PTPRM: variants seen among roughly 807,000 people sequenced by gnomAD.
PTPRM encodes the protein receptor-type tyrosine-protein phosphatase mu.
In PTPRM, 47 loss-of-function variants were observed where a neutral mutation model predicts 186.7. The observed-to-expected ratio is 0.25, with a 90% CI of 0.20 to 0.32. The LOEUF (loss-of-function observed/expected upper bound fraction) is 0.32, where lower values mean the gene tolerates loss of function less well. Among genes scored for constraint, PTPRM ranks in the 10% least tolerant of loss-of-function variants. The pLI is 1.00. For synonymous variants in PTPRM, 668 were observed against 674.9 expected (o/e 0.99, Z 0.16); for missense variants, 1,494 against 1,865.0 (o/e 0.80, Z 3.66).
chr18:8,347,466 A>C (rs2148296176), intron 23 of PTPRM, among the ~76,000 whole-genome samples: 1 of 152,326 alleles, frequency 6.6e-6, no homozygotes, highest in African/African-American at 2.4e-5. Context: ...TGCAGCAAAA[A>C]ATAATAATTA....
chr18:7,761,198 C>T (rs186142725), intron 1 of PTPRM, among the ~76,000 whole-genome samples: 36 of 152,164 alleles, frequency 2.4e-4, no homozygotes, highest in Non-Finnish European at 4.1e-4. Context: ...TTGCTCAGAG[C>T]TTGGAGAATT....
At chr18:7,586,606 G>C (rs1207504594) in intron 1 of PTPRM, among the ~76,000 whole-genome samples, 2 of 152,102 alleles carry the variant, frequency 1.3e-5, no homozygotes, top group Non-Finnish European at 1.5e-5. Context: ...GGTCTGTGGG[G>C]CATTGGCATC....
intron 1 of PTPRM, among the ~76,000 whole-genome samples, chr18:7,581,887 T>C (rs1358646304): frequency 6.6e-6 from 1 of 152,094 alleles, no homozygotes; most frequent in Non-Finnish European, 1.5e-5. Flanking sequence ...CTCAAGCTCC[T>C]CGCCTCAAGC....
At position 8,113,638 on chromosome 18, in the gene PTPRM, T is replaced by C; in HGVS notation, c.2009T>C (p.Leu670Pro). The change falls in exon 12 of 33, where the codon CTC becomes CCC. Residue 670 changes from leucine to proline, a missense_variant. This residue lies in a region of PTPRM where 1,107 missense variants were observed against 1,350.2 expected (regional missense o/e 0.82). Coordinates refer to ENST00000580170, the MANE Select transcript of PTPRM (RefSeq NM_001105244.2). ...GCTGCAGAATTTCCTGCAGACAGCC[T>C]CCAAGCTGCGCAGCCTTTTACAATT... ...YFAAEFPADS[L>P]QAAQPFTIGD... 1 of 1,614,120 alleles carries C rather than the reference T, an allele frequency of 6.2e-7. No individual in the cohort carries two copies. The highest frequency in any genetic ancestry group is 8.5e-7 in the Non-Finnish European group (1 of 1,179,976).
At chr18:8,143,930 A>G (rs1233312986) in intron 14 of PTPRM, 151 bp downstream of exon 14, 1 of 1,038,748 alleles carries the variant, frequency 9.6e-7, no homozygotes, top group Non-Finnish European at 1.4e-6. Context: ...ATCATGTGGC[A>G]TGGAAGGTTA....
In PTPRM at chr18:8,289,473, C is replaced by T. The variant is rs1047419597; in HGVS notation, c.2755-6895C>T. Among the ~76,000 whole-genome samples the T allele has an allele frequency of 1.1e-3, 125 of 112,602 alleles. 6 individuals are homozygous for T. Among genetic ancestry groups the T allele is most frequent in the South Asian group, 1.2e-3 (4 of 3,434 alleles). 73.9% of individuals were successfully genotyped at this position (112,602 alleles called of 152,430 possible). ...ATATGTATATACATATATATACACA[C>T]ATATGTATATATATACATATATGTA... On this transcript the variant is annotated intron_variant, in intron 19 of 32. Transcript: ENST00000580170.
intron 1 of PTPRM, among the ~76,000 whole-genome samples, chr18:7,583,548 G>A (rs2036900196): frequency 6.6e-6 from 1 of 152,224 alleles, no homozygotes; most frequent in African/African-American, 2.4e-5. Context: ...ACAATTGTAA[G>A]ATTGGCACAG....
At chr18:8,226,930 G>A in intron 14 of PTPRM, among the ~76,000 whole-genome samples, 1 of 152,140 alleles carries the variant, frequency 6.6e-6, no homozygotes, top group Non-Finnish European at 1.5e-5. Context: ...GGCAGGAAGG[G>A]TGGGTTGAGT....
At chr18:8,240,834 GA>G (rs755951222) in intron 14 of PTPRM, among the ~76,000 whole-genome samples, 6 of 125,564 alleles carry the variant, frequency 4.8e-5, no homozygotes, top group African/African-American at 1.9e-4. Flanking sequence ...GAGAAAGAAA[GA>G]AAGAAAGAAA....
intron 7 of PTPRM, among the ~76,000 whole-genome samples, chr18:8,049,915 G>A (rs950677017): frequency 2.0e-5 from 3 of 152,050 alleles, no homozygotes; most frequent in African/African-American, 7.2e-5. Context: ...GTTTCACTAT[G>A]TTGGCCAGAC....
chr18:7,706,601 CAAAAAAAAA>C (rs766639399), intron 1 of PTPRM, among the ~76,000 whole-genome samples: 4 of 16,144 alleles, frequency 2.5e-4, no homozygotes, highest in South Asian at 3.7e-3. Flanking sequence ...GACCTTGTCT[CAAAAAAAAA>C]AAAAAAAAAA....
At position 8,169,362 on chromosome 18, in the gene PTPRM, T is replaced by G. The variant is rs572637986; in HGVS notation, c.2300+25583T>G. 1.5e-3 allele frequency among the ~76,000 whole-genome samples: 229 copies of G among 151,556 alleles called. 1 individual carries two copies. The highest frequency in any genetic ancestry group is 5.2e-3 in the African/African-American group (215 of 41,122). On this transcript the variant is annotated intron_variant, in intron 14 of 32. Coordinates refer to ENST00000580170, the MANE Select transcript of PTPRM (RefSeq NM_001105244.2). ...ATTTGGGCAAAAAAAAAAAAAATGC[T>G]TATCAAATTAGTAAGACAAAACCTT...
intron 31 of PTPRM, 40 bp downstream of exon 31, chr18:8,387,275 G>T (rs768397913): frequency 1.3e-6 from 2 of 1,576,604 alleles, no homozygotes; most frequent in Non-Finnish European, 1.7e-6. Flanking sequence ...GAACAGCGAG[G>T]CCCCACACTC....
At chr18:8,333,646 A>T (rs2095423448) in intron 22 of PTPRM, among the ~76,000 whole-genome samples, 1 of 152,190 alleles carries the variant, frequency 6.6e-6, no homozygotes, top group Non-Finnish European at 1.5e-5. Flanking sequence ...ATTTAGGACC[A>T]CTTTTATTCC....
chr18:7,664,653 T>G (rs2039057132), intron 1 of PTPRM, among the ~76,000 whole-genome samples: 1 of 152,178 alleles, frequency 6.6e-6, no homozygotes, highest in Admixed American at 6.5e-5. Context: ...CAGGAACCAG[T>G]CCTGGGAGAT....
At chr18:7,642,618 TTC>T (rs941475721) in intron 1 of PTPRM, among the ~76,000 whole-genome samples, 4 of 152,176 alleles carry the variant, frequency 2.6e-5, no homozygotes, top group African/African-American at 9.7e-5. Flanking sequence ...TGTTTTTATT[TTC>T]TTTTTGTTAT....
At chr18:7,838,296 A>G (rs2046154624) in intron 2 of PTPRM, among the ~76,000 whole-genome samples, 1 of 152,196 alleles carries the variant, frequency 6.6e-6, no homozygotes, top group South Asian at 2.1e-4. Flanking sequence ...TGAGAAAAGC[A>G]GGATGGGGTA....
chr18:8,311,163 G>A (rs1230520668), intron 20 of PTPRM, among the ~76,000 whole-genome samples: 3 of 152,102 alleles, frequency 2.0e-5, no homozygotes, highest in African/African-American at 7.2e-5. Context: ...ATAAAAATTA[G>A]CCAGGCGTGG....
At chr18:8,353,248 A>T (rs2095545573) in intron 23 of PTPRM, among the ~76,000 whole-genome samples, 1 of 152,146 alleles carries the variant, frequency 6.6e-6, no homozygotes, top group Admixed American at 6.5e-5. Context: ...GTTGATGAGG[A>T]TTTGAAATGT....
Sources: allele counts gnomAD v4.1 joint callset (sites outside exome capture counted in the v4.1 genomes callset), GRCh38; gene constraint gnomAD v4.1.1; regional missense constraint gnomAD v4.1.1; transcripts MANE v1.5; gene names NCBI Gene and HGNC (gene_info 2026-07-23, HGNC 2026-07-21).